The following BPTF variants were observed in gnomAD, a reference collection of about 807,000 sequenced individuals.
The protein encoded by BPTF is bromodomain PHD finger transcription factor, also known as nucleosome-remodeling factor subunit BPTF.
BPTF carries 18 observed loss-of-function variants against 292.5 expected under a neutral mutation model. The ratio of observed to expected loss-of-function variants is 0.06; its 90% CI spans 0.04 to 0.09. BPTF has a LOEUF of 0.09. Ranked by LOEUF, BPTF falls within the 10% of genes least tolerant of loss-of-function variation. BPTF has a pLI of 1.00. For synonymous variants in BPTF, 1,225 were observed against 1,251.9 expected, an observed-to-expected ratio of 0.98 and a Z score of 0.45; for missense variants, 2,726 against 3,498.7, an observed-to-expected ratio of 0.78 and a Z score of 5.57.
chr17:67,883,664 G>A (rs533863218), intron 4 of BPTF, among the ~76,000 whole-genome samples: 1 of 152,046 alleles, frequency 6.6e-6, no homozygotes, highest in South Asian at 2.1e-4. Context: ...CAGTGGCACG[G>A]TCTTGGCTCA....
At chr17:67,979,642 A>T (rs1290879537) in intron 27 of BPTF, among the ~76,000 whole-genome samples, 2 of 152,202 alleles carry the variant, frequency 1.3e-5, no homozygotes, top group Non-Finnish European at 2.9e-5. Context: ...GGGAAATAAA[A>T]CTTGGACTCA....
At chr17:67,902,229 A>C (rs1157562042) in intron 7 of BPTF, among the ~76,000 whole-genome samples, 1 of 152,086 alleles carries the variant, frequency 6.6e-6, no homozygotes, top group Non-Finnish European at 1.5e-5. Context: ...TTGAGCTCCT[A>C]GGGTGTCACT....
chr17:67,876,066 T>C (rs1181651799), intron 4 of BPTF, among the ~76,000 whole-genome samples: 2 of 152,228 alleles, frequency 1.3e-5, no homozygotes, highest in African/African-American at 4.8e-5. Context: ...AATGGCTCAA[T>C]GTTGAATGAT....
intron 3 of BPTF, among the ~76,000 whole-genome samples, chr17:67,871,800 C>T (rs1347586763): frequency 6.6e-6 from 1 of 151,972 alleles, no homozygotes; most frequent in African/African-American, 2.4e-5. Flanking sequence ...TTTTGGGTCT[C>T]TTTTTCTTTT....
At position 67,889,613 on chromosome 17, in the gene BPTF, GC is replaced by G. The variant is rs1459336943; in HGVS notation, c.1865-2229del. ...ACTGGAGGTCAGGGGTTCAAGACCAGCCTGACCAACATGGTGAAACCCCGTC... is the reference window on the plus strand; with the variant it reads ...ACTGGAGGTCAGGGGTTCAAGACCAGCTGACCAACATGGTGAAACCCCGTC... On this transcript the variant is annotated intron_variant, in intron 4 of 27. Coordinates refer to ENST00000306378, the MANE Select transcript of BPTF (RefSeq NM_182641.4). 3.3e-5 allele frequency among the ~76,000 whole-genome samples: 5 copies of G among 152,076 alleles called. No individual in the cohort carries two copies. The South Asian group carries it at 1.0e-3, about 32-fold the overall frequency.
In BPTF at chr17:67,825,548, T is replaced by A; in HGVS notation, c.-177T>A. ...GAAACAAGATGGCGGCTGAAGGCGA[T>A]CCGGAGTGGGGCCCCAGCAATTCGG... On this transcript the variant is annotated 5_prime_UTR_variant, in exon 1 of 28. Transcript: ENST00000306378. 2 of 428,098 alleles carry A rather than the reference T, an allele frequency of 4.7e-6. No homozygotes were observed. The highest frequency in any genetic ancestry group is 9.1e-6 in the Non-Finnish European group (2 of 220,810). The allele number at this position is 428,098 out of a possible 1,614,324, so 26.5% of individuals were successfully genotyped here.
intron 7 of BPTF, among the ~76,000 whole-genome samples, chr17:67,902,736 G>T (rs143495041): frequency 3.3e-5 from 5 of 152,030 alleles, no homozygotes; most frequent in South Asian, 2.1e-4. Flanking sequence ...AGTTTTTTGT[G>T]GGGGGAAAGG....
At chr17:67,841,381 C>T (rs2057544157) in intron 1 of BPTF, among the ~76,000 whole-genome samples, 1 of 151,842 alleles carries the variant, frequency 6.6e-6, no homozygotes, top group Non-Finnish European at 1.5e-5. Context: ...TGCACTCCAG[C>T]CTAGGCAACA....
At chr17:67,865,325 T>G (rs1681038995) in intron 2 of BPTF, among the ~76,000 whole-genome samples, 1 of 152,246 alleles carries the variant, frequency 6.6e-6, no homozygotes, top group Non-Finnish European at 1.5e-5. Flanking sequence ...CTGCTAAATT[T>G]TTATTCATTT....
chr17:67,981,220 TG>T (rs2070316266), intron 27 of BPTF, among the ~76,000 whole-genome samples: 1 of 152,216 alleles, frequency 6.6e-6, no homozygotes, highest in South Asian at 2.1e-4. Context: ...AACTTGCTGT[TG>T]CCTTTTTAGG....
At position 67,924,194 on chromosome 17, in the gene BPTF, A is replaced by T. The variant is rs146688656; in HGVS notation, c.5709-353A>T. Among the ~76,000 whole-genome samples the T allele has an allele frequency of 5.0e-4, 76 of 152,192 alleles. 1 individual carries two copies. In the East Asian group the frequency reaches 0.01, roughly 21 times the overall value. On this transcript the variant is annotated intron_variant, in intron 14 of 27. Transcript: ENST00000306378. The stretch of plus-strand genomic sequence containing the variant: ...TGGGTCGAACTCCTGATCTCAAGCA[A>T]TCCACCTGCCTCGGCCTCCCAAAAT...
intron 10 of BPTF, 32 bp downstream of exon 10, chr17:67,909,793 G>T (rs758524767): frequency 6.1e-6 from 9 of 1,473,404 alleles, no homozygotes; most frequent in Middle Eastern, 1.8e-4. Context: ...GGGCAGCCTG[G>T]GGGTGATAAG....
rs1277105051 is a variant in BPTF at position 67,893,413 on chromosome 17, C to T, written c.2099C>T (p.Thr700Ile). 9 of 1,613,646 alleles carry T rather than the reference C, an allele frequency of 5.6e-6. No homozygotes were observed. Among genetic ancestry groups the T allele is most frequent in the Non-Finnish European group, 7.6e-6 (9 of 1,179,952 alleles). Residue 700 changes from threonine (T) to isoleucine (I), a missense_variant, in exon 6 of 28, where the codon ACC (threonine) becomes ATC (isoleucine). This residue lies in a region of BPTF where 63 missense variants were observed against 84.1 expected (regional missense o/e 0.75). Transcript: ENST00000306378. Reference sequence around the variant, plus strand: ...CAAGGAGAAATTTCACGGTTGAGCACCAAAAAGGAAGTGATCATGAAAGGA... The same window carrying T: ...CAAGGAGAAATTTCACGGTTGAGCATCAAAAAGGAAGTGATCATGAAAGGA... The part of the protein sequence containing the change: ...NSQGEISRLS[T>I]KKEVIMKGNI...
chr17:67,844,820 C>G (rs576981890), intron 1 of BPTF, among the ~76,000 whole-genome samples: 1 of 151,820 alleles, frequency 6.6e-6, no homozygotes, highest in Non-Finnish European at 1.5e-5. Context: ...CTCGGCTCAC[C>G]GCAACCTCTG....
In BPTF at chr17:67,854,053, A is replaced by G; in HGVS notation, c.727A>G (p.Ile243Val). Residue 243 changes from isoleucine to valine, a missense_variant, in exon 2 of 28, where the codon ATA becomes GTA. Ile to Val is a conservative substitution (Grantham distance 29). Coordinates refer to ENST00000306378, the MANE Select transcript of BPTF (RefSeq NM_182641.4). This position sits in a 1 kb window ranked among gnomAD's most constrained non-coding sequence, Gnocchi z 5.6. Reference protein sequence around the residue: ...SEDLMVPNEHIMNVIAIYEVL... With the variant: ...SEDLMVPNEHVMNVIAIYEVL... ...GGATTTAATGGTGCCTAATGAGCAT[A>G]TAATGAATGTCATTGCCATTTACGA... 1 of 1,614,224 alleles carries G rather than the reference A, an allele frequency of 6.2e-7. No individual in the cohort carries two copies. Among genetic ancestry groups the G allele is most frequent in the Non-Finnish European group, 8.5e-7 (1 of 1,180,042 alleles).
intron 7 of BPTF, among the ~76,000 whole-genome samples, chr17:67,895,462 A>C (rs1312036137): frequency 7.6e-6 from 1 of 131,008 alleles, no homozygotes; most frequent in Non-Finnish European, 1.6e-5. Flanking sequence ...CACCACATAC[A>C]TTTTTTTTTT....
In BPTF at chr17:67,946,273, A is replaced by G; in HGVS notation, c.7565A>G (p.Lys2522Arg). Residue 2522 changes from lysine (K) to arginine (R), a missense_variant, in exon 21 of 28, where the codon AAG (lysine) becomes AGG (arginine). Lys to Arg is a conservative substitution (Grantham distance 26, BLOSUM62 2). Coordinates refer to ENST00000306378, the MANE Select transcript of BPTF (RefSeq NM_182641.4). ...QKKKQQQIEI[K>R]REHTLQASNQ... is the part of the protein sequence containing the mutation. ...AAGAAACAGCAACAGATAGAAATTAAGCGTGAACACACCCTCCAAGCTTCT... is the reference window on the plus strand; with the variant it reads ...AAGAAACAGCAACAGATAGAAATTAGGCGTGAACACACCCTCCAAGCTTCT... 6.2e-7 allele frequency: 1 copy of G among 1,614,200 alleles called. No individual in the cohort carries two copies. Among genetic ancestry groups the G allele is most frequent in the Non-Finnish European group, 8.5e-7 (1 of 1,180,046 alleles).
At chr17:67,902,903 A>G (rs1248000234) in intron 7 of BPTF, among the ~76,000 whole-genome samples, 1 of 152,218 alleles carries the variant, frequency 6.6e-6, no homozygotes, top group African/African-American at 2.4e-5. Context: ...GCGCTCTTAG[A>G]GACAAGAGCT....
In BPTF at chr17:67,929,325, CT is replaced by C. The variant is rs780815291; in HGVS notation, c.5999-4del. On this transcript the variant is annotated splice_polypyrimidine_tract_variant and intron_variant, in intron 16 of 27. Coordinates refer to ENST00000306378, the MANE Select transcript of BPTF (RefSeq NM_182641.4). The stretch of plus-strand genomic sequence containing the variant: ...TGATAGTTTTTAATTATGGCTTCAT[CT>C]TTTTTTAAGGCGTTGTTCAAGTACA... 4 of 1,612,482 alleles carry C rather than the reference CT, an allele frequency of 2.5e-6. No homozygotes were observed. In the African/African-American group the frequency reaches 5.3e-5, roughly 22 times the overall value.
Sources: gnomAD v4.1 joint callset for allele counts (sites outside exome capture counted in the v4.1 genomes callset) on GRCh38, gnomAD v4.1.1 for gene constraint, gnomAD v4.1.1 regional missense constraint, Gnocchi (gnomAD v3.1) non-coding constraint, MANE v1.5 for transcripts, NCBI Gene and HGNC (gene_info 2026-07-23, HGNC 2026-07-21) for gene names.